The following ZPLD1 variants were observed in gnomAD, a reference collection of about 807,000 sequenced individuals.
ZPLD1 encodes the protein zona pellucida like domain containing 1, also known as zona pellucida-like domain-containing protein 1.
ZPLD1 carries 34 observed loss-of-function variants against 47.2 expected under a neutral mutation model. The observed-to-expected ratio is 0.72, with a 90% CI of 0.55 to 0.96. The LOEUF is 0.96. ZPLD1 is among the 40% of genes least tolerant of loss of function. ZPLD1 has a pLI of 0.00. For missense variants in ZPLD1, 512 were observed against 505.8 expected (o/e 1.01, Z -0.12); for synonymous variants, 176 against 186.2 (o/e 0.95, Z 0.45).
intron 3 of ZPLD1, among the ~76,000 whole-genome samples, chr3:102,439,760 T>A (rs185931808): frequency 1.3e-5 from 2 of 152,210 alleles, no homozygotes; most frequent in Non-Finnish European, 2.9e-5. Flanking sequence ...TGTTTATATG[T>A]GATGGAAAAG....
chr3:102,468,076 C>A (rs1253677745), intron 8 of ZPLD1, among the ~76,000 whole-genome samples: 3 of 151,974 alleles, frequency 2.0e-5, no homozygotes, highest in Admixed American at 2.0e-4. Flanking sequence ...GATACACAAA[C>A]TCATTAATTA....
At chr3:102,456,491 T>C in intron 5 of ZPLD1, 117 bp downstream of exon 5, 1 of 873,086 alleles carries the variant, frequency 1.1e-6, no homozygotes. Flanking sequence ...ATTCAAACAA[T>C]GTAATGGGAA....
At chr3:102,406,703 TA>T (rs1706691357) in intron 7 of ZPLD1, among the ~76,000 whole-genome samples, 1 of 151,950 alleles carries the variant, frequency 6.6e-6, no homozygotes, top group African/African-American at 2.4e-5. Context: ...CAGAAGTTCT[TA>T]AAAAATGAAT....
Position 102,436,979 on chromosome 3 carries a change from T to G in ZPLD1, c.-9+6T>G, listed in dbSNP as rs1326795156. 1 of 973,982 alleles carries G rather than the reference T, an allele frequency of 1.0e-6. No homozygotes were observed. The allele number at this position is 973,982 out of a possible 1,614,324, so 60.3% of individuals were successfully genotyped here. ...GCATGGAGCATGGAATAAATGTGGG[T>G]GCAGTGGAGTGTATTGCTTATTCAG... On this transcript the variant is annotated splice_donor_region_variant and intron_variant, in intron 2 of 11. Transcript: ENST00000466937.
At chr3:102,438,183 G>A (rs531049062) in intron 2 of ZPLD1, among the ~76,000 whole-genome samples, 1 of 152,270 alleles carries the variant, frequency 6.6e-6, no homozygotes, top group Non-Finnish European at 1.5e-5. Context: ...TTCTTCCTAT[G>A]CATAATAAAG....
At chr3:102,454,854 TCACA>T (rs1261247263) in intron 4 of ZPLD1, among the ~76,000 whole-genome samples, 1 of 152,184 alleles carries the variant, frequency 6.6e-6, no homozygotes, top group Non-Finnish European at 1.5e-5. Flanking sequence ...AGACTTTGTC[TCACA>T]CACACACAAA....
intron 10 of ZPLD1, among the ~76,000 whole-genome samples, chr3:102,474,095 T>C (rs949471122): frequency 6.6e-6 from 1 of 152,222 alleles, no homozygotes; most frequent in Non-Finnish European, 1.5e-5. Context: ...GGATATTTTT[T>C]ACCCAACATA....
intron 7 of ZPLD1, among the ~76,000 whole-genome samples, chr3:102,403,865 A>T (rs1489726841): frequency 2.6e-5 from 4 of 151,178 alleles, no homozygotes; most frequent in African/African-American, 7.3e-5. Context: ...CAACCAGTTG[A>T]TGATACAGAT....
intron 7 of ZPLD1, among the ~76,000 whole-genome samples, chr3:102,392,700 A>C (rs1706511269): frequency 6.6e-6 from 1 of 152,174 alleles, no homozygotes; most frequent in South Asian, 2.1e-4. Flanking sequence ...CAGAGTCCTC[A>C]TAATCTAATT....
intron 10 of ZPLD1, among the ~76,000 whole-genome samples, chr3:102,471,209 A>G (rs1458522210): frequency 6.6e-6 from 1 of 152,120 alleles, no homozygotes; most frequent in Non-Finnish European, 1.5e-5. Flanking sequence ...GGGCTTGACC[A>G]ATAGGTGGTG....
chr3:102,442,646 GCA>G (rs1707198976), intron 3 of ZPLD1, among the ~76,000 whole-genome samples: 1 of 152,118 alleles, frequency 6.6e-6, no homozygotes, highest in African/African-American at 2.4e-5. Context: ...CGGAGGCTAA[GCA>G]ATGGGATGGA....
At chr3:102,412,763 A>T (rs1706759770) in intron 7 of ZPLD1, among the ~76,000 whole-genome samples, 1 of 151,682 alleles carries the variant, frequency 6.6e-6, no homozygotes, top group Non-Finnish European at 1.5e-5. Context: ...GCAGGTTTAC[A>T]AGCACAGATT....
chr3:102,407,440 TATAC>T (rs1427848560), intron 7 of ZPLD1, among the ~76,000 whole-genome samples: 13 of 96,426 alleles, frequency 1.3e-4, no homozygotes, highest in African/African-American at 2.1e-4. Flanking sequence ...TATATATATA[TATAC>T]ACACATATGC....
intron 3 of ZPLD1, among the ~76,000 whole-genome samples, chr3:102,450,503 TC>T (rs1012413246): frequency 1.3e-5 from 2 of 152,086 alleles, no homozygotes; most frequent in Non-Finnish European, 2.9e-5. Context: ...GAAGCAAGAT[TC>T]ATAGAAGAGA....
chr3:102,431,276 T>G (rs1165127939), upstream of ZPLD1, among the ~76,000 whole-genome samples: 2 of 152,196 alleles, frequency 1.3e-5, no homozygotes, highest in Admixed American at 1.3e-4. Flanking sequence ...CATATTTCCT[T>G]ATGGTATACA....
upstream of ZPLD1, among the ~76,000 whole-genome samples, chr3:102,434,080 A>G (rs1446540488): frequency 6.6e-6 from 1 of 152,202 alleles, no homozygotes; most frequent in Non-Finnish European, 1.5e-5. Context: ...CTGCATTGCC[A>G]TTTACTATGT....
At chr3:102,427,991 T>A (rs1040376176) in intron 8 of ZPLD1, among the ~76,000 whole-genome samples, 1 of 152,210 alleles carries the variant, frequency 6.6e-6, no homozygotes, top group Non-Finnish European at 1.5e-5. Context: ...AAGTGCTTCC[T>A]TTTGATTAAA....
chr3:102,463,397 T>C (rs932387304), intron 7 of ZPLD1, among the ~76,000 whole-genome samples: 6 of 152,250 alleles, frequency 3.9e-5, no homozygotes, highest in African/African-American at 1.4e-4. Flanking sequence ...CAAAAAGCTA[T>C]TGTTTATAGT....
chr3:102,452,053 A>G (rs1707345365), intron 3 of ZPLD1, among the ~76,000 whole-genome samples: 2 of 151,400 alleles, frequency 1.3e-5, no homozygotes, highest in Non-Finnish European at 2.9e-5. Flanking sequence ...CACTCTCCCC[A>G]TTTCCTTTAT....
Sources: gnomAD v4.1 joint callset for allele counts (sites outside exome capture counted in the v4.1 genomes callset) on GRCh38, gnomAD v4.1.1 for gene constraint, MANE v1.5 for transcripts, NCBI Gene and HGNC (gene_info 2026-07-23, HGNC 2026-07-21) for gene names.